The following WWOX variants were observed in gnomAD, a reference collection of about 807,000 sequenced individuals.
The protein encoded by WWOX is WW domain containing oxidoreductase.
Under a neutral mutation model 46.2 loss-of-function variants are expected in WWOX, and 69 were observed. That is an observed-to-expected ratio of 1.49 (90% CI 1.23 to 1.82). The LOEUF is 1.82. WWOX is among the 40% of genes most tolerant of loss of function. The pLI, the probability that WWOX is intolerant of heterozygous loss-of-function variation, is 0.00. For synonymous variants in WWOX, 359 were observed against 202.6 expected (o/e 1.77, Z -6.56); for missense variants, 919 against 542.6 (o/e 1.69, Z -6.89).
At chr16:78,661,856 C>A (rs924785044) in intron 8 of WWOX, among the ~76,000 whole-genome samples, 12 of 152,172 alleles carry the variant, frequency 7.9e-5, no homozygotes, top group African/African-American at 2.2e-4. Context: ...GGGCAAACAG[C>A]CTGAGGCAAA....
chr16:78,798,263 G>C (rs1176956660), intron 8 of WWOX, among the ~76,000 whole-genome samples: 3 of 151,936 alleles, frequency 2.0e-5, no homozygotes, highest in Admixed American at 1.3e-4. Context: ...TCCAGAATCT[G>C]GGTCAAAAAG....
intron 8 of WWOX, among the ~76,000 whole-genome samples, chr16:79,183,625 T>G (rs1323010182): frequency 6.6e-6 from 1 of 152,216 alleles, no homozygotes; most frequent in African/African-American, 2.4e-5. Flanking sequence ...ACATACTAAG[T>G]GGCAATAATA....
chr16:78,756,527 G>A (rs1349401834), intron 8 of WWOX, among the ~76,000 whole-genome samples: 3 of 152,112 alleles, frequency 2.0e-5, no homozygotes, highest in South Asian at 2.1e-4. Flanking sequence ...TGAAAAACAC[G>A]AGAAAAGTTG....
At chr16:78,886,038 C>G (rs1021632931) in intron 8 of WWOX, among the ~76,000 whole-genome samples, 1 of 151,680 alleles carries the variant, frequency 6.6e-6, no homozygotes. Flanking sequence ...AATTCTCCCA[C>G]CTCAGCATCC....
intron 8 of WWOX, among the ~76,000 whole-genome samples, chr16:79,002,555 C>G (rs978902929): frequency 2.0e-5 from 3 of 152,184 alleles, no homozygotes; most frequent in Non-Finnish European, 4.4e-5. Context: ...CCTGATGACC[C>G]TTGCCATAGC....
chr16:78,761,118 C>T (rs1218235346), intron 8 of WWOX, among the ~76,000 whole-genome samples: 1 of 152,162 alleles, frequency 6.6e-6, no homozygotes, highest in Non-Finnish European at 1.5e-5. Context: ...CAGAGCCAAA[C>T]CATATTACAG....
At chr16:78,966,613 C>A (rs945379046) in intron 8 of WWOX, among the ~76,000 whole-genome samples, 15 of 151,922 alleles carry the variant, frequency 9.9e-5, no homozygotes, top group Admixed American at 9.8e-4. Context: ...TGTTTTGAAT[C>A]AATAAATATA....
chr16:78,780,192 C>T (rs1032699916), intron 8 of WWOX, among the ~76,000 whole-genome samples: 2 of 152,160 alleles, frequency 1.3e-5, no homozygotes, highest in Admixed American at 1.3e-4. Flanking sequence ...ACCTGGTTTT[C>T]TCTTCTCCTT....
chr16:78,658,865 G>C (rs2142165039), intron 8 of WWOX, among the ~76,000 whole-genome samples: 1 of 151,644 alleles, frequency 6.6e-6, no homozygotes, highest in Non-Finnish European at 1.5e-5. Flanking sequence ...GCCGAGGCAG[G>C]CGGATCACTT....
intron 8 of WWOX, among the ~76,000 whole-genome samples, chr16:78,580,066 A>T (rs1368353537): frequency 6.7e-6 from 1 of 149,670 alleles, no homozygotes; most frequent in Non-Finnish European, 1.5e-5. Context: ...GTTTTCTTTG[A>T]CAGAGGAAAT....
chr16:79,038,754 T>C (rs1357396688), intron 8 of WWOX, among the ~76,000 whole-genome samples: 1 of 152,132 alleles, frequency 6.6e-6, no homozygotes, highest in Non-Finnish European at 1.5e-5. Flanking sequence ...TTCACCATAT[T>C]GGCCAGACTG....
At chr16:79,005,849 T>G (rs954597271) in intron 8 of WWOX, among the ~76,000 whole-genome samples, 6 of 152,098 alleles carry the variant, frequency 3.9e-5, no homozygotes, top group Non-Finnish European at 5.9e-5. Flanking sequence ...GAGTGACCAG[T>G]AGAACATAGC....
intron 8 of WWOX, among the ~76,000 whole-genome samples, chr16:78,493,458 C>G (rs7203932): frequency 0.63 from 95,417 of 152,108 alleles, 33,778 homozygotes; most frequent in East Asian, 0.82. Context: ...GTGTGAGTAA[C>G]TAACGTGTTT....
intron 4 of WWOX, among the ~76,000 whole-genome samples, chr16:78,149,787 G>C (rs971202067): frequency 6.6e-6 from 1 of 152,230 alleles, no homozygotes; most frequent in South Asian, 2.1e-4. Context: ...CCTGTGGGGT[G>C]TGAGCCTGGT....
intron 8 of WWOX, among the ~76,000 whole-genome samples, chr16:78,626,122 A>T (rs977750152): frequency 6.6e-6 from 1 of 151,136 alleles, no homozygotes. Context: ...CCAGGATACC[A>T]CTTTTATTTA....
chr16:78,206,871 T>C lies in WWOX; in HGVS notation c.516+42582T>C, dbSNP rs1165322644. On this transcript the variant is annotated intron_variant, in intron 5 of 8. Transcript: ENST00000566780. The stretch of plus-strand genomic sequence containing the variant: ...TACGGTTTCAGACCCTTTTAGTCTT[T>C]TCTGTGTTGCAAAATTGAGATAATG... Among the ~76,000 whole-genome samples the C allele has an allele frequency of 2.6e-5, 4 of 152,336 alleles. No homozygotes were observed. In the East Asian group the frequency reaches 7.7e-4, roughly 29 times the overall value.
intron 8 of WWOX, among the ~76,000 whole-genome samples, chr16:79,144,633 C>A (rs1439390798): frequency 6.6e-6 from 1 of 151,986 alleles, no homozygotes; most frequent in South Asian, 2.1e-4. Context: ...GGAGGAAAAA[C>A]CCGACTTTTG....
chr16:78,688,293 C>A (rs1056644478), intron 8 of WWOX, among the ~76,000 whole-genome samples: 8 of 150,576 alleles, frequency 5.3e-5, no homozygotes, highest in African/African-American at 2.0e-4. Flanking sequence ...ATCCTTAGAT[C>A]TTAATCAGAA....
At chr16:79,108,351 A>C (rs375441743) in intron 8 of WWOX, among the ~76,000 whole-genome samples, 3 of 152,358 alleles carry the variant, frequency 2.0e-5, no homozygotes, top group African/African-American at 7.2e-5. Context: ...TGAGCTGCGT[A>C]TTAAGTATGG....
Sources: gnomAD v4.1 joint callset for allele counts (sites outside exome capture counted in the v4.1 genomes callset) on GRCh38, gnomAD v4.1.1 for gene constraint, MANE v1.5 for transcripts, NCBI Gene and HGNC (gene_info 2026-07-23, HGNC 2026-07-21) for gene names.